IL1RAPL1: variants seen among roughly 807,000 people sequenced by gnomAD.
IL1RAPL1 encodes interleukin-1 receptor accessory protein-like 1.
In IL1RAPL1, 3 loss-of-function variants were observed where a neutral mutation model predicts 48.4. That is an observed-to-expected ratio of 0.06 (90% CI 0.03 to 0.16). The LOEUF (loss-of-function observed/expected upper bound fraction) is 0.16, where lower values mean the gene tolerates loss of function less well. Among genes scored for constraint, IL1RAPL1 ranks in the 10% least tolerant of loss-of-function variants. The pLI is 1.00. For missense variants in IL1RAPL1, 349 were observed against 530.6 expected (o/e 0.66, Z 3.36); for synonymous variants, 185 against 187.7 (o/e 0.99, Z 0.12).
intron 5 of IL1RAPL1, among the ~76,000 whole-genome samples, chrX:29,437,956 A>G (rs1934500931): frequency 9.0e-6 from 1 of 111,105 alleles, no homozygotes; most frequent in South Asian, 3.7e-4. Context: ...GATTGATGCT[A>G]ATTCTTCTTT....
At chrX:29,399,711 C>T (rs1386750676) in intron 5 of IL1RAPL1, among the ~76,000 whole-genome samples, 2 of 109,324 alleles carry the variant, frequency 1.8e-5, no homozygotes, top group Non-Finnish European at 1.9e-5. Flanking sequence ...CCCAGCTACT[C>T]GGGAGGCTGA....
intron 2 of IL1RAPL1, among the ~76,000 whole-genome samples, chrX:29,232,877 C>A: frequency 9.0e-6 from 1 of 110,842 alleles, no homozygotes; most frequent in East Asian, 2.8e-4. Context: ...TGGCTCACTG[C>A]AACCTCCACC....
At chrX:28,948,935 TTTTC>T (rs1924377335) in intron 2 of IL1RAPL1, among the ~76,000 whole-genome samples, 1 of 111,634 alleles carries the variant, frequency 9.0e-6, no homozygotes, top group South Asian at 3.7e-4. Context: ...ATGAAAGTTA[TTTTC>T]CTTCTGAAAA....
At chrX:29,523,320 C>A (rs1935521078) in intron 5 of IL1RAPL1, among the ~76,000 whole-genome samples, 1 of 110,934 alleles carries the variant, frequency 9.0e-6, no homozygotes, top group Admixed American at 9.7e-5. Flanking sequence ...AGAAAAATAT[C>A]CTCTAATATT....
At chrX:29,414,744 G>A (rs774087059) in intron 5 of IL1RAPL1, among the ~76,000 whole-genome samples, 1 of 111,230 alleles carries the variant, frequency 9.0e-6, no homozygotes, top group East Asian at 2.8e-4. Flanking sequence ...ACTTCATGTT[G>A]GCTCTCTACT....
At chrX:29,708,394 C>G (rs1005416638) in intron 6 of IL1RAPL1, among the ~76,000 whole-genome samples, 2 of 111,570 alleles carry the variant, frequency 1.8e-5, no homozygotes, top group African/African-American at 6.5e-5. Flanking sequence ...CTCCTGCCCC[C>G]CTCTGCAGCC....
At chrX:29,237,268 C>T (rs1344364289) in intron 2 of IL1RAPL1, among the ~76,000 whole-genome samples, 1 of 111,945 alleles carries the variant, frequency 8.9e-6, no homozygotes, top group African/African-American at 3.2e-5. Context: ...TGCAAGTACT[C>T]ATTCATCTTG....
chrX:29,675,078 A>G (rs1405825709), intron 6 of IL1RAPL1, among the ~76,000 whole-genome samples: 2 of 112,450 alleles, frequency 1.8e-5, no homozygotes, highest in Non-Finnish European at 3.8e-5. Context: ...TCCTTTGGGT[A>G]TATATCCAGT....
chrX:29,342,140 GTGTGTGTGTGTGTGTT>G lies in IL1RAPL1; in HGVS notation c.363-54114_363-54099del, dbSNP rs1471332797. On this transcript the variant is annotated intron_variant, in intron 3 of 10. Transcript: ENST00000378993. ...TGTGTGTGTGTGTGTGTGTGTGTGT[GTGTGTGTGTGTGTGTT>G]TGTTTTGTTTTGTTTGTTTGTTTTT... Among the ~76,000 whole-genome samples, 50 of 102,622 alleles carry G rather than the reference GTGTGTGTGTGTGTGTT, an allele frequency of 4.9e-4. 1 individual carries two copies. Among genetic ancestry groups the G allele is most frequent in the African/African-American group, 1.6e-3 (42 of 26,366 alleles). The allele number at this position is 102,622 out of a possible 115,157, so 89.1% of individuals were successfully genotyped here.
chrX:29,585,978 G>A (rs1035088626), intron 5 of IL1RAPL1, among the ~76,000 whole-genome samples: 5 of 111,299 alleles, frequency 4.5e-5, no homozygotes, highest in South Asian at 3.7e-4. Context: ...ATTTTATTCC[G>A]TGCTATAAGT....
At chrX:28,781,368 G>A (rs1209913451) in intron 1 of IL1RAPL1, among the ~76,000 whole-genome samples, 1 of 105,292 alleles carries the variant, frequency 9.5e-6, no homozygotes, top group Non-Finnish European at 2.0e-5. Flanking sequence ...AGAGGTTGAT[G>A]GCCATTCCCT....
intron 1 of IL1RAPL1, among the ~76,000 whole-genome samples, chrX:28,709,398 C>A (rs967189061): frequency 3.0e-4 from 34 of 111,817 alleles, no homozygotes; most frequent in African/African-American, 1.0e-3. Flanking sequence ...GCTTAGTTAA[C>A]TTTCACAAGG....
At chrX:29,169,866 T>G (rs1280847464) in intron 2 of IL1RAPL1, among the ~76,000 whole-genome samples, 1 of 110,932 alleles carries the variant, frequency 9.0e-6, no homozygotes, top group Non-Finnish European at 1.9e-5. Context: ...CATGGAAAAA[T>G]CAAATGTTAC....
chrX:29,820,634 A>G (rs1050530638), intron 6 of IL1RAPL1, among the ~76,000 whole-genome samples: 2 of 111,940 alleles, frequency 1.8e-5, no homozygotes, highest in African/African-American at 6.5e-5. Flanking sequence ...GCTCCAAACT[A>G]CATTTCATGC....
At chrX:29,062,894 G>A (rs2147434373) in intron 2 of IL1RAPL1, among the ~76,000 whole-genome samples, 1 of 111,588 alleles carries the variant, frequency 9.0e-6, no homozygotes, top group South Asian at 3.7e-4. Flanking sequence ...AAATTGCAAA[G>A]TCTCATTTAT....
intron 1 of IL1RAPL1, among the ~76,000 whole-genome samples, chrX:28,617,658 A>G (rs1934237106): frequency 8.9e-6 from 1 of 112,217 alleles, no homozygotes; most frequent in Non-Finnish European, 1.9e-5. Flanking sequence ...CAGATATGGG[A>G]TCTTACTATC....
intron 2 of IL1RAPL1, among the ~76,000 whole-genome samples, chrX:29,246,456 G>A (rs1398545470): frequency 2.7e-5 from 3 of 110,261 alleles, no homozygotes; most frequent in Non-Finnish European, 5.7e-5. Flanking sequence ...ATGCTGCCTG[G>A]ACAGCTGATG....
At chrX:29,120,678 T>C (rs1191352996) in intron 2 of IL1RAPL1, among the ~76,000 whole-genome samples, 1 of 111,408 alleles carries the variant, frequency 9.0e-6, no homozygotes, top group Non-Finnish European at 1.9e-5. Context: ...TAAAATTGTT[T>C]CAAATCTCTA....
At chrX:29,769,762 A>G (rs1601815678) in intron 6 of IL1RAPL1, among the ~76,000 whole-genome samples, 1 of 106,915 alleles carries the variant, frequency 9.4e-6, no homozygotes, top group East Asian at 3.0e-4. Flanking sequence ...GATTAGAGGC[A>G]CGGGCCACCA....
Sources: allele counts gnomAD v4.1 joint callset (sites outside exome capture counted in the v4.1 genomes callset), GRCh38; gene constraint gnomAD v4.1.1; transcripts MANE v1.5; gene names NCBI Gene and HGNC (gene_info 2026-07-23, HGNC 2026-07-21).